JAZF1: variants seen among roughly 807,000 people sequenced by gnomAD.
JAZF1 encodes juxtaposed with another zinc finger protein 1.
A neutral mutation model predicts 26.4 loss-of-function variants in JAZF1; 8 were observed. The observed-to-expected ratio is 0.30, with a 90% CI of 0.18 to 0.55. JAZF1 has a LOEUF of 0.55. Ranked by LOEUF, JAZF1 falls within the 20% of genes least tolerant of loss-of-function variation. The pLI is 0.94. For missense variants in JAZF1, 199 were observed against 322.0 expected (o/e 0.62, Z 2.92); for synonymous variants, 126 against 122.3 (o/e 1.03, Z -0.20).
chr7:27,959,812 A>G (rs1158329708), intron 2 of JAZF1, among the ~76,000 whole-genome samples: 1 of 152,090 alleles, frequency 6.6e-6, no homozygotes, highest in Admixed American at 6.5e-5. Context: ...AGGCAGGAGA[A>G]TCGCTTGAAC....
At chr7:27,951,924 T>G (rs1324396036) in intron 2 of JAZF1, among the ~76,000 whole-genome samples, 1 of 152,216 alleles carries the variant, frequency 6.6e-6, no homozygotes, top group Non-Finnish European at 1.5e-5. Context: ...TTCTGTCTCC[T>G]TTCATGCTCA....
intron 1 of JAZF1, among the ~76,000 whole-genome samples, chr7:28,167,321 C>T (rs1393989931): frequency 6.6e-6 from 1 of 152,172 alleles, no homozygotes; most frequent in African/African-American, 2.4e-5. Flanking sequence ...AATTCACCAG[C>T]TAGCACACTG....
intron 2 of JAZF1, among the ~76,000 whole-genome samples, chr7:27,981,904 C>T (rs2128362317): frequency 6.6e-6 from 1 of 152,326 alleles, no homozygotes; most frequent in Non-Finnish European, 1.5e-5. Flanking sequence ...TTGTATGTGG[C>T]CCCATCCCTA....
chr7:27,944,099 A>T (rs1784892071), intron 2 of JAZF1, among the ~76,000 whole-genome samples: 1 of 152,220 alleles, frequency 6.6e-6, no homozygotes, highest in African/African-American at 2.4e-5. Flanking sequence ...CTTAGCATGA[A>T]AGTTATTGCC....
chr7:27,917,693 T>A (rs1432711551), intron 2 of JAZF1, among the ~76,000 whole-genome samples: 1 of 152,004 alleles, frequency 6.6e-6, no homozygotes, highest in Non-Finnish European at 1.5e-5. Flanking sequence ...TACCTGCGAG[T>A]GGGGAAAAGT....
chr7:27,834,590 C>G (rs1211188578), intron 4 of JAZF1, among the ~76,000 whole-genome samples: 1 of 152,192 alleles, frequency 6.6e-6, no homozygotes, highest in African/African-American at 2.4e-5. Context: ...GGTTTCAGAG[C>G]CTACTGGGGC....
Position 27,840,644 on chromosome 7 carries a change from T to G in JAZF1, c.555+54A>C, listed in dbSNP as rs971829644. On this transcript the variant is annotated intron_variant, in intron 4 of 4. Coordinates refer to ENST00000283928, the MANE Select transcript of JAZF1 (RefSeq NM_175061.4). This position sits in a 1 kb window ranked among gnomAD's most constrained non-coding sequence, Gnocchi z 5.1. The stretch of plus-strand genomic sequence containing the variant: ...ATCAAGAAAGGGCTGCTGCCTTCCA[T>G]GAAGCTTGCCCTGTTTCCATGTGGT... 3 of 1,572,238 alleles carry G rather than the reference T, an allele frequency of 1.9e-6. No homozygotes were observed. The African/African-American group carries it at 4.1e-5, about 21-fold the overall frequency.
chr7:28,001,706 G>A (rs946852169), intron 1 of JAZF1, among the ~76,000 whole-genome samples: 5 of 152,104 alleles, frequency 3.3e-5, no homozygotes, highest in East Asian at 1.9e-4. Context: ...GGCTTGCAAT[G>A]CTTTCCAAGA....
intron 1 of JAZF1, among the ~76,000 whole-genome samples, chr7:27,996,343 C>T (rs1301906616): frequency 1.3e-5 from 2 of 152,180 alleles, no homozygotes; most frequent in African/African-American, 4.8e-5. Flanking sequence ...TGATATCACG[C>T]CGTTTGAGAA....
chr7:28,110,502 GGAAAAGGAAAGGAAAAGGAAAA>G (rs1784632317), intron 1 of JAZF1, among the ~76,000 whole-genome samples: 11 of 73,578 alleles, frequency 1.5e-4, no homozygotes, highest in African/African-American at 7.6e-4. Context: ...GGAAAGGAAA[GGAAAAGGAAAGGAAAAGGAAAA>G]GGAAAAGGAA....
intron 1 of JAZF1, among the ~76,000 whole-genome samples, chr7:28,147,492 A>ATTT (rs10622246): frequency 0.011 from 1,687 of 148,926 alleles, 15 homozygotes; most frequent in Non-Finnish European, 0.017. Context: ...AGTAAAAACA[A>ATTT]TTTTTTTTTT....
chr7:28,018,946 G>A (rs1249925836), intron 1 of JAZF1, among the ~76,000 whole-genome samples: 1 of 152,210 alleles, frequency 6.6e-6, no homozygotes, highest in Non-Finnish European at 1.5e-5. Context: ...AGTCATTGCT[G>A]TCTGTGCAGA....
intron 3 of JAZF1, among the ~76,000 whole-genome samples, chr7:27,848,187 C>G (rs11981857): frequency 0.43 from 64,664 of 152,002 alleles, 14,444 homozygotes; most frequent in African/African-American, 0.51. Context: ...TTCTTCTGAT[C>G]CATGAGCAAG....
chr7:27,982,094 G>T lies in JAZF1; in HGVS notation c.188+9815C>A, dbSNP rs151199105. Among the ~76,000 whole-genome samples the T allele has an allele frequency of 2.4e-3, 364 of 152,356 alleles. 4 individuals carry two copies. Among genetic ancestry groups the T allele is most frequent in the African/African-American group, 8.5e-3 (353 of 41,592 alleles). ...TTCTGCATTTCCAACTGAGGTACTG[G>T]GTTCATCTTACTGGGGCTTGCCAGA... On this transcript the variant is annotated intron_variant, in intron 2 of 4. Transcript: ENST00000283928.
intron 2 of JAZF1, among the ~76,000 whole-genome samples, chr7:27,896,648 G>A (rs1382561164): frequency 6.6e-6 from 1 of 152,142 alleles, no homozygotes; most frequent in African/African-American, 2.4e-5. Flanking sequence ...ACTACACAAT[G>A]AAGTTTTGGA....
At chr7:27,847,517 G>T (rs938181012) in intron 3 of JAZF1, among the ~76,000 whole-genome samples, 1 of 152,128 alleles carries the variant, frequency 6.6e-6, no homozygotes, top group African/African-American at 2.4e-5. Context: ...AGTTGTCCCA[G>T]CACCAATTAC....
chr7:28,178,126 C>G (rs546667965), intron 1 of JAZF1, among the ~76,000 whole-genome samples: 1 of 152,284 alleles, frequency 6.6e-6, no homozygotes, highest in East Asian at 1.9e-4. Flanking sequence ...TCCACATTTT[C>G]ACTATTAAAA....
intron 2 of JAZF1, among the ~76,000 whole-genome samples, chr7:27,977,713 T>G (rs923828142): frequency 2.0e-5 from 3 of 152,178 alleles, no homozygotes; most frequent in Admixed American, 6.5e-5. Context: ...TGCACCCCCT[T>G]TCTCTCCACA....
chr7:27,836,048 T>C (rs893285281), intron 4 of JAZF1, among the ~76,000 whole-genome samples: 1 of 152,200 alleles, frequency 6.6e-6, no homozygotes, highest in African/African-American at 2.4e-5. Flanking sequence ...CAAGATCACA[T>C]GGCTGGTAAA....
Sources: gnomAD v4.1 joint callset for allele counts (sites outside exome capture counted in the v4.1 genomes callset) on GRCh38, gnomAD v4.1.1 for gene constraint, Gnocchi (gnomAD v3.1) non-coding constraint, MANE v1.5 for transcripts, NCBI Gene and HGNC (gene_info 2026-07-23, HGNC 2026-07-21) for gene names.